SLC25A18: variants seen among roughly 807,000 people sequenced by gnomAD.
SLC25A18 encodes mitochondrial glutamate carrier 2.
Under a neutral mutation model 31.1 loss-of-function variants are expected in SLC25A18, and 24 were observed. The observed-to-expected ratio is 0.77, with a 90% CI of 0.56 to 1.08. SLC25A18 has a LOEUF of 1.08. Among genes scored for constraint, SLC25A18 ranks in the 50% least tolerant of loss-of-function variants. SLC25A18 has a pLI of 0.00. For synonymous variants in SLC25A18, 173 were observed against 161.9 expected, an observed-to-expected ratio of 1.07 and a Z score of -0.52; for missense variants, 371 against 418.5, an observed-to-expected ratio of 0.89 and a Z score of 0.99.
intron 1 of SLC25A18, among the ~76,000 whole-genome samples, chr22:17,563,917 T>C (rs2056868002): frequency 6.6e-6 from 1 of 152,170 alleles, no homozygotes; most frequent in Non-Finnish European, 1.5e-5. Flanking sequence ...AAAATATTTT[T>C]GGTTCCTCCC....
intron 2 of SLC25A18, among the ~76,000 whole-genome samples, chr22:17,575,197 ACT>A (rs1384478725): frequency 6.6e-6 from 1 of 151,890 alleles, no homozygotes; most frequent in African/African-American, 2.4e-5. Context: ...GCCCTTAGTG[ACT>A]CTGCACACCT....
At chr22:17,581,515 T>A in intron 5 of SLC25A18, 102 bp downstream of exon 5, 1 of 1,313,766 alleles carries the variant, frequency 7.6e-7, no homozygotes, top group Non-Finnish European at 1.1e-6. Flanking sequence ...GGGCCAGGGC[T>A]GCCAGGGGGT....
chr22:17,582,556 C>T lies in SLC25A18; in HGVS notation c.200-7C>T, dbSNP rs1006236075. 1.9e-6 allele frequency: 3 copies of T among 1,586,850 alleles called. No homozygotes were observed. The highest frequency in any genetic ancestry group is 1.8e-5 in the Admixed American group (1 of 56,432). Reference sequence around the variant, plus strand: ...CCTTGACTCCCCATCTTGTCCTTCACTTCCAGGGGCTGCAGTGAACCTCAC... The same window carrying T: ...CCTTGACTCCCCATCTTGTCCTTCATTTCCAGGGGCTGCAGTGAACCTCAC... On this transcript the variant is annotated splice_polypyrimidine_tract_variant and splice_region_variant and intron_variant, in intron 5 of 10. Coordinates refer to ENST00000327451, the MANE Select transcript of SLC25A18 (RefSeq NM_031481.3).
chr22:17,589,277 T>C (rs1324354800), intron 9 of SLC25A18: 1 of 250,080 alleles, frequency 4.0e-6, no homozygotes, highest in Non-Finnish European at 8.0e-6. Context: ...ACCTCCCTGG[T>C]TCAAGCGATT....
At chr22:17,586,056 T>C (rs1437947065) in intron 7 of SLC25A18, among the ~76,000 whole-genome samples, 2 of 152,066 alleles carry the variant, frequency 1.3e-5, no homozygotes, top group Non-Finnish European at 2.9e-5. Flanking sequence ...TTCTACCAAA[T>C]AGGGAAGAGT....
At chr22:17,578,544 G>C (rs2057290208) in intron 2 of SLC25A18, among the ~76,000 whole-genome samples, 1 of 152,178 alleles carries the variant, frequency 6.6e-6, no homozygotes. Flanking sequence ...CAGGGCACCG[G>C]AGAGAAGAGG....
intron 1 of SLC25A18, among the ~76,000 whole-genome samples, chr22:17,568,555 CTTTTTTTTTTTTT>C (rs695361): frequency 3.2e-5 from 2 of 62,534 alleles, no homozygotes; most frequent in African/African-American, 1.4e-4. Context: ...TAAAGTACAT[CTTTTTTTTTTTTT>C]TTTTTTTTTT....
chr22:17,568,112 C>G (rs1411487262), intron 1 of SLC25A18, among the ~76,000 whole-genome samples: 2 of 152,062 alleles, frequency 1.3e-5, no homozygotes, highest in African/African-American at 4.8e-5. Context: ...CACCTATAAT[C>G]CCAGCACTTT....
At chr22:17,571,791 G>A (rs936565651) in intron 2 of SLC25A18, among the ~76,000 whole-genome samples, 3 of 151,068 alleles carry the variant, frequency 2.0e-5, no homozygotes, top group Non-Finnish European at 2.9e-5. Flanking sequence ...GCCCAAGGCA[G>A]ACGGATCAGT....
In SLC25A18 at chr22:17,575,430, C is replaced by T. The variant is rs570615361; in HGVS notation, c.-200-4315C>T. ...CTGTGCAGTAATAAGGCAGAAGTCT[C>T]TCCCGCCTTGCATCATCTCTGCGGG... On this transcript the variant is annotated intron_variant, in intron 2 of 10. Transcript: ENST00000327451. Among the ~76,000 whole-genome samples the T allele has an allele frequency of 2.6e-5, 4 of 152,298 alleles. No homozygotes were observed. The East Asian group carries it at 7.7e-4, about 29-fold the overall frequency.
chr22:17,587,228 C>T lies in SLC25A18; in HGVS notation c.502C>T (p.Leu168Phe), dbSNP rs1365671180. ...CACCCACAGGCGCCCCTCTGCCACC[C>T]TCATTGCCTGGGAGCTGCTCCGCAC... ...ASTHRRPSAT[L>F]IAWELLRTQG... The change falls in exon 8 of 11, where the codon CTC becomes TTC. Residue 168 changes from leucine (L) to phenylalanine (F), a missense_variant. Transcript: ENST00000327451. The T allele has an allele frequency of 6.2e-7, 1 of 1,614,156 alleles. No individual in the cohort carries two copies. The highest frequency in any genetic ancestry group is 8.5e-7 in the Non-Finnish European group (1 of 1,180,044).
chr22:17,589,655 G>A lies in SLC25A18; in HGVS notation c.796G>A (p.Asp266Asn), dbSNP rs377499475. 31 of 1,613,856 alleles carry A rather than the reference G, an allele frequency of 1.9e-5. No individual in the cohort carries two copies. Among genetic ancestry groups the A allele is most frequent in the Admixed American group, 1.8e-4 (11 of 59,974 alleles). Residue 266 changes from aspartate to asparagine, a missense_variant, in exon 10 of 11, where the codon GAC becomes AAC. Physicochemically the swap from Asp to Asn is conservative, Grantham distance 23. Transcript: ENST00000327451. ...CGAGGACATGTACAGTGGGATCACC[G>A]ACTGTGCCAGGTGAGAGCCAGTGTC... ...LGEDMYSGIT[D>N]CARKLWIQEG...
At chr22:17,581,273 G>T in intron 4 of SLC25A18, 85 bp from the exon 5 acceptor site, 3 of 1,598,132 alleles carry the variant, frequency 1.9e-6, no homozygotes, top group Non-Finnish European at 2.6e-6. Context: ...GATCTGATCA[G>T]CTGGGATGTG....
chr22:17,582,990 G>A lies in SLC25A18; in HGVS notation c.290+337G>A, dbSNP rs373533497. Among the ~76,000 whole-genome samples the A allele has an allele frequency of 1.3e-3, 192 of 152,122 alleles. 2 individuals are homozygous for A. The South Asian group carries it at 0.032, about 25-fold the overall frequency. On this transcript the variant is annotated intron_variant, in intron 6 of 10. Coordinates refer to ENST00000327451, the MANE Select transcript of SLC25A18 (RefSeq NM_031481.3). The stretch of plus-strand genomic sequence containing the variant: ...TTTAGGAGGTTGAGGAAGGAGGATC[G>A]CTTGGGCCCAGGCGGTCGAGGTTGC...
chr22:17,575,668 C>A (rs2057212911), intron 2 of SLC25A18, among the ~76,000 whole-genome samples: 1 of 152,196 alleles, frequency 6.6e-6, no homozygotes, highest in Non-Finnish European at 1.5e-5. Flanking sequence ...GTGGCAGTTC[C>A]CAGTGCAACT....
intron 2 of SLC25A18, among the ~76,000 whole-genome samples, chr22:17,579,113 C>G (rs962668242): frequency 6.6e-6 from 1 of 151,426 alleles, no homozygotes; most frequent in Non-Finnish European, 1.5e-5. Context: ...GTTTTTGAGA[C>G]AGTCTTGATC....
In SLC25A18 at chr22:17,583,271, C is replaced by A. The variant is rs145062115; in HGVS notation, c.291-145C>A. On this transcript the variant is annotated intron_variant, in intron 6 of 10. Transcript: ENST00000327451. ...TCCCCTGTCCGTACAGAGACCACAC[C>A]TAAGGGCTAGCTGATGACTTGACCA... 128 of 965,762 alleles carry A rather than the reference C, an allele frequency of 1.3e-4. No individual in the cohort carries two copies. In the African/African-American group the frequency reaches 1.8e-3, roughly 14 times the overall value. The allele number at this position is 965,762 out of a possible 1,614,324, so 59.8% of individuals were successfully genotyped here.
intron 5 of SLC25A18, chr22:17,582,253 G>A (rs1485167976): frequency 5.2e-6 from 1 of 191,038 alleles, no homozygotes; most frequent in Non-Finnish European, 1.1e-5. Context: ...GCGGGCGCCT[G>A]TAGTCCCAGC....
At chr22:17,571,297 G>C (rs1426509643) in intron 2 of SLC25A18, among the ~76,000 whole-genome samples, 3 of 152,164 alleles carry the variant, frequency 2.0e-5, no homozygotes, top group Non-Finnish European at 4.4e-5. Flanking sequence ...TGCACAGAAG[G>C]GGAAGCCAGA....
Sources: allele counts gnomAD v4.1 joint callset (sites outside exome capture counted in the v4.1 genomes callset), GRCh38; gene constraint gnomAD v4.1.1; transcripts MANE v1.5; gene names NCBI Gene and HGNC (gene_info 2026-07-23, HGNC 2026-07-21).